ZNF385D: variants seen among roughly 807,000 people sequenced by gnomAD.
The protein encoded by ZNF385D is zinc finger protein 659.
A neutral mutation model predicts 35.8 loss-of-function variants in ZNF385D; 15 were observed. That is an observed-to-expected ratio of 0.42 (90% CI 0.28 to 0.64). The LOEUF is 0.64. Among genes scored for constraint, ZNF385D ranks in the 30% least tolerant of loss-of-function variants. ZNF385D has a pLI of 0.23. For synonymous variants in ZNF385D, 212 were observed against 186.8 expected, an observed-to-expected ratio of 1.13 and a Z score of -1.10; for missense variants, 474 against 494.6, an observed-to-expected ratio of 0.96 and a Z score of 0.39.
At chr3:21,940,002 GAA>G (rs1217318446) in intron 3 of ZNF385D, among the ~76,000 whole-genome samples, 1 of 152,156 alleles carries the variant, frequency 6.6e-6, no homozygotes, top group East Asian at 1.9e-4. Flanking sequence ...AGTGAGGAAG[GAA>G]AAGTTAGAGC....
At position 21,943,514 on chromosome 3, in the gene ZNF385D, T is replaced by C. The variant is rs186590155; in HGVS notation, c.325+225303A>G. ...TAATATATTCAGTATATTTCATCAA[T>C]ATTTTAACTGGGAAATTAGTTCATA... is the stretch of plus-strand genomic sequence containing the variant. On this transcript the variant is annotated intron_variant, in intron 3 of 5. Coordinates refer to the ZNF385D transcript ENST00000494108. 4.5e-3 allele frequency among the ~76,000 whole-genome samples: 690 copies of C among 152,024 alleles called. 1 individual carries two copies. Among genetic ancestry groups the C allele is most frequent in the Non-Finnish European group, 7.6e-3 (519 of 67,914 alleles).
chr3:22,298,598 G>A (rs1283285358), intron 2 of ZNF385D, among the ~76,000 whole-genome samples: 2 of 146,634 alleles, frequency 1.4e-5, no homozygotes, highest in African/African-American at 5.0e-5. Flanking sequence ...ACTATCCACA[G>A]CTCCCTCTCA....
Position 21,819,601 on chromosome 3 carries a change from GTA to G in ZNF385D, c.326-154575_326-154574del, listed in dbSNP as rs1461040610. 4.4e-4 allele frequency among the ~76,000 whole-genome samples: 65 copies of G among 146,792 alleles called. 1 individual carries two copies. The highest frequency in any genetic ancestry group is 3.6e-3 in the South Asian group (17 of 4,700). ...GTACACATATGTGCTACATATGTGT[GTA>G]TATATGTTATATATGTATGTATTAT... On this transcript the variant is annotated intron_variant, in intron 3 of 5. Coordinates refer to the ZNF385D transcript ENST00000494108.
At chr3:21,583,914 A>G (rs942172331) in intron 2 of ZNF385D, among the ~76,000 whole-genome samples, 1 of 150,246 alleles carries the variant, frequency 6.7e-6, no homozygotes, top group African/African-American at 2.4e-5. Context: ...CCAATTCTCA[A>G]ATTATTTCAG....
intron 1 of ZNF385D, among the ~76,000 whole-genome samples, chr3:21,667,913 T>A (rs1388914410): frequency 6.6e-6 from 1 of 152,134 alleles, no homozygotes; most frequent in East Asian, 1.9e-4. Context: ...GGAGTTTCCT[T>A]CCTAGGGGTT....
intron 2 of ZNF385D, among the ~76,000 whole-genome samples, chr3:21,611,443 G>A (rs2064675622): frequency 6.6e-6 from 1 of 152,100 alleles, no homozygotes; most frequent in Non-Finnish European, 1.5e-5. Flanking sequence ...ACCACATGTG[G>A]CAAGTTCAAT....
intron 1 of ZNF385D, among the ~76,000 whole-genome samples, chr3:21,744,256 A>C (rs1014635838): frequency 6.6e-6 from 1 of 152,230 alleles, no homozygotes; most frequent in Non-Finnish European, 1.5e-5. Flanking sequence ...ACACACTTTG[A>C]AAAATACAAA....
chr3:22,353,565 C>G (rs1384232615), intron 2 of ZNF385D, among the ~76,000 whole-genome samples: 1 of 152,116 alleles, frequency 6.6e-6, no homozygotes, highest in Non-Finnish European at 1.5e-5. Flanking sequence ...AATCCTATGT[C>G]CTCGGACTGT....
intron 3 of ZNF385D, chr3:21,942,665 G>C (rs1389385658): frequency 6.6e-6 from 1 of 152,152 alleles, no homozygotes; most frequent in East Asian, 1.9e-4. Context: ...AGGAACCATG[G>C]TAAGTCAGAC....
At chr3:21,989,122 C>G (rs956790074) in intron 3 of ZNF385D, among the ~76,000 whole-genome samples, 1 of 152,170 alleles carries the variant, frequency 6.6e-6, no homozygotes, top group African/African-American at 2.4e-5. Flanking sequence ...TTCTGCGTCG[C>G]TCACGCTGGG....
chr3:21,760,003 G>A (rs990809167), intron 3 of ZNF385D, among the ~76,000 whole-genome samples: 1 of 152,166 alleles, frequency 6.6e-6, no homozygotes, highest in Admixed American at 6.5e-5. Flanking sequence ...AATACAGTAG[G>A]TGGAAATTTG....
At chr3:21,665,212 T>C (rs895907348) in intron 1 of ZNF385D, among the ~76,000 whole-genome samples, 184 bp from the exon 2 acceptor site, 1 of 152,224 alleles carries the variant, frequency 6.6e-6, no homozygotes, top group African/African-American at 2.4e-5. Flanking sequence ...GGGAGCTAGT[T>C]GAACTGCTCC....
At chr3:22,018,558 A>G (rs1294103702) in intron 3 of ZNF385D, among the ~76,000 whole-genome samples, 2 of 152,004 alleles carry the variant, frequency 1.3e-5, no homozygotes, top group African/African-American at 2.4e-5. Flanking sequence ...GTTTCATTAC[A>G]TCTTCCATTA....
At chr3:21,568,119 AAAGT>A (rs1489695791) in intron 2 of ZNF385D, among the ~76,000 whole-genome samples, 5 of 152,300 alleles carry the variant, frequency 3.3e-5, no homozygotes, top group African/African-American at 1.2e-4. Flanking sequence ...TACACCATCA[AAAGT>A]AATTATCTTT....
chr3:21,583,967 T>C (rs13078592), intron 2 of ZNF385D, among the ~76,000 whole-genome samples: 27 of 103,114 alleles, frequency 2.6e-4, no homozygotes, highest in Middle Eastern at 4.4e-3. Flanking sequence ...TACTTATTTA[T>C]TTATTTATTT....
intron 4 of ZNF385D, among the ~76,000 whole-genome samples, chr3:21,496,119 A>C (rs1056395115): frequency 6.6e-6 from 1 of 152,008 alleles, no homozygotes; most frequent in African/African-American, 2.4e-5. Context: ...TACCAGATGT[A>C]TAAAGATGAG....
intron 2 of ZNF385D, among the ~76,000 whole-genome samples, chr3:22,210,116 G>A (rs17011010): frequency 0.029 from 4,462 of 151,808 alleles, 224 homozygotes; most frequent in African/African-American, 0.1. Flanking sequence ...CCAAGTCCCA[G>A]GAAAAGATTG....
intron 2 of ZNF385D, among the ~76,000 whole-genome samples, chr3:21,635,611 T>C (rs1284672116): frequency 6.6e-6 from 1 of 152,036 alleles, no homozygotes; most frequent in Non-Finnish European, 1.5e-5. Flanking sequence ...GGGTGTTTGG[T>C]TACATAAGTT....
intron 2 of ZNF385D, among the ~76,000 whole-genome samples, chr3:22,229,333 T>G (rs1698745869): frequency 6.6e-6 from 1 of 152,200 alleles, no homozygotes; most frequent in Non-Finnish European, 1.5e-5. Flanking sequence ...GATGCCACAG[T>G]CACATTGTTC....
Sources: allele counts gnomAD v4.1 joint callset (sites outside exome capture counted in the v4.1 genomes callset), GRCh38; gene constraint gnomAD v4.1.1; transcripts MANE v1.5; gene names NCBI Gene and HGNC (gene_info 2026-07-23, HGNC 2026-07-21).